The following EYA3 variants were observed in gnomAD, a reference collection of about 807,000 sequenced individuals.
The protein encoded by EYA3 is EYA transcriptional coactivator and phosphatase 3.
EYA3 carries 39 observed loss-of-function variants against 80.0 expected under a neutral mutation model. The ratio of observed to expected loss-of-function variants is 0.49; its 90% CI spans 0.38 to 0.64. The LOEUF is 0.64. Ranked by LOEUF, EYA3 falls within the 30% of genes least tolerant of loss-of-function variation. The probability of loss-of-function intolerance (pLI) is 0.00; values close to 1 mark genes in which losing one functional copy is unlikely to be tolerated. For missense variants in EYA3, 523 were observed against 676.1 expected (o/e 0.77, Z 2.51); for synonymous variants, 206 against 232.8 (o/e 0.88, Z 1.05).
rs1638854700 is a variant in EYA3 at position 27,974,721 on chromosome 1, C to T, written c.1642-175G>A. On this transcript the variant is annotated intron_variant, in intron 17 of 17. Transcript: ENST00000373871. ...TAATCATATGCATAAGGACCTTGTA[C>T]ATTGCACACTTTAGAAATGTGAGAA... Among the ~76,000 whole-genome samples, 4 of 152,228 alleles carry T rather than the reference C, an allele frequency of 2.6e-5. No homozygotes were observed. In the South Asian group the frequency reaches 6.2e-4, roughly 24 times the overall value.
chr1:28,040,225 G>A (rs1042487444), intron 4 of EYA3, among the ~76,000 whole-genome samples: 1 of 152,192 alleles, frequency 6.6e-6, no homozygotes, highest in Non-Finnish European at 1.5e-5. Flanking sequence ...AATATATTCT[G>A]AAGGTAAAAC....
chr1:28,002,191 A>G (rs908650025), intron 11 of EYA3, among the ~76,000 whole-genome samples: 1 of 152,108 alleles, frequency 6.6e-6, no homozygotes, highest in Admixed American at 6.5e-5. Flanking sequence ...CTGGGATTAC[A>G]GGTGTGAGCC....
intron 16 of EYA3, among the ~76,000 whole-genome samples, chr1:27,983,858 T>TTGGTCAGGCTGCTCTCAAAC (rs1553137792): frequency 6.6e-6 from 1 of 152,208 alleles, no homozygotes; most frequent in Admixed American, 6.5e-5. Flanking sequence ...TTTCACCATG[T>TTGGTCAGGCTGCTCTCAAAC]TGGTCAGGCT....
intron 1 of EYA3, among the ~76,000 whole-genome samples, chr1:28,066,489 A>C (rs1258893328): frequency 1.3e-5 from 2 of 152,180 alleles, no homozygotes; most frequent in African/African-American, 4.8e-5. Context: ...AGTATTTAGA[A>C]AACATTGTCA....
chr1:28,031,008 T>G (rs112007688), intron 6 of EYA3, among the ~76,000 whole-genome samples: 1 of 152,206 alleles, frequency 6.6e-6, no homozygotes, highest in East Asian at 1.9e-4. Context: ...ATGTTTATTT[T>G]TACACTATAT....
chr1:28,078,067 GATAAT>G (rs1332023167), intron 1 of EYA3, among the ~76,000 whole-genome samples: 3 of 151,898 alleles, frequency 2.0e-5, no homozygotes, highest in South Asian at 2.1e-4. Flanking sequence ...CATCAGACAG[GATAAT>G]ATAAGTGTTT....
chr1:28,007,863 G>C (rs1211545702), intron 10 of EYA3, among the ~76,000 whole-genome samples: 1 of 152,004 alleles, frequency 6.6e-6, no homozygotes, highest in Non-Finnish European at 1.5e-5. Context: ...AAATCCAATA[G>C]TAGTTTTTTA....
At position 28,026,023 on chromosome 1, in the gene EYA3, T is replaced by G. The variant is rs150576837; in HGVS notation, c.499+1766A>C. Among the ~76,000 whole-genome samples the G allele has an allele frequency of 8.8e-4, 134 of 152,322 alleles. 1 individual carries two copies. In the East Asian group the frequency reaches 0.021, roughly 24 times the overall value. ...ATCCGCCTGCCTCGGCCTCCCAAAG[T>G]GCTAGGATTACAGGCGTGAGCCACC... On this transcript the variant is annotated intron_variant, in intron 7 of 17. Transcript: ENST00000373871.
chr1:28,026,562 G>A (rs2148824664), intron 7 of EYA3, among the ~76,000 whole-genome samples: 1 of 152,278 alleles, frequency 6.6e-6, no homozygotes, highest in African/African-American at 2.4e-5. Flanking sequence ...AGGCTGCAGT[G>A]AGCCATGATC....
chr1:28,024,201 T>C (rs961011279), intron 7 of EYA3, among the ~76,000 whole-genome samples: 2 of 152,098 alleles, frequency 1.3e-5, no homozygotes, highest in African/African-American at 4.8e-5. Context: ...ATCACGCCAC[T>C]GCACTCCAGC....
At chr1:28,040,412 A>C (rs2148858063) in intron 4 of EYA3, among the ~76,000 whole-genome samples, 1 of 152,342 alleles carries the variant, frequency 6.6e-6, no homozygotes, top group East Asian at 1.9e-4. Flanking sequence ...TAAAGATGTC[A>C]AACAGGCAGT....
chr1:28,023,278 G>C (rs374989752), intron 7 of EYA3, among the ~76,000 whole-genome samples: 1 of 152,096 alleles, frequency 6.6e-6, no homozygotes, highest in Non-Finnish European at 1.5e-5. Context: ...GGGGAGAAGA[G>C]ACAAATCTGG....
intron 14 of EYA3, among the ~76,000 whole-genome samples, chr1:27,992,663 C>T (rs1487904801): frequency 1.3e-5 from 2 of 152,268 alleles, no homozygotes; most frequent in South Asian, 2.1e-4. Context: ...AAGAGTACCT[C>T]ACTATAAAAG....
chr1:28,081,525 GT>G (rs1226991878), intron 1 of EYA3, among the ~76,000 whole-genome samples: 1 of 152,016 alleles, frequency 6.6e-6, no homozygotes, highest in Admixed American at 6.6e-5. Flanking sequence ...ATCCTATAAT[GT>G]TCTCTAAAGT....
chr1:28,016,137 G>T (rs1642047391), intron 8 of EYA3, among the ~76,000 whole-genome samples: 1 of 152,154 alleles, frequency 6.6e-6, no homozygotes, highest in Non-Finnish European at 1.5e-5. Flanking sequence ...CACGTTCAAA[G>T]ACAGGGTCAA....
At chr1:27,978,950 G>A (rs1456442017) in intron 16 of EYA3, among the ~76,000 whole-genome samples, 1 of 152,154 alleles carries the variant, frequency 6.6e-6, no homozygotes, top group Non-Finnish European at 1.5e-5. Context: ...CAACAAGAGC[G>A]AACTCTGTCT....
chr1:28,027,703 A>G lies in EYA3; in HGVS notation c.499+86T>C, dbSNP rs570937382. The G allele has an allele frequency of 4.5e-6, 7 of 1,552,964 alleles. No individual in the cohort carries two copies. The South Asian group carries it at 8.1e-5, about 18-fold the overall frequency. ...GAAGACAGAGCTCCTGTATTATCCA[A>G]TTTGTTTGTTTGGAGATACAGGTAG... On this transcript the variant is annotated intron_variant, in intron 7 of 17. Coordinates refer to ENST00000373871, the MANE Select transcript of EYA3 (RefSeq NM_001990.4).
At chr1:27,999,616 C>T (rs1640689055) in intron 12 of EYA3, among the ~76,000 whole-genome samples, 1 of 152,052 alleles carries the variant, frequency 6.6e-6, no homozygotes, top group Admixed American at 6.6e-5. Flanking sequence ...ATCAAACTCA[C>T]TTTATATATA....
intron 7 of EYA3, among the ~76,000 whole-genome samples, chr1:28,023,729 C>T (rs532050851): frequency 3.0e-4 from 45 of 152,188 alleles, no homozygotes; most frequent in African/African-American, 1.0e-3. Flanking sequence ...GATGGAATCC[C>T]GGAACAGAAC....
Sources: allele counts gnomAD v4.1 joint callset (sites outside exome capture counted in the v4.1 genomes callset), GRCh38; gene constraint gnomAD v4.1.1; transcripts MANE v1.5; gene names NCBI Gene and HGNC (gene_info 2026-07-23, HGNC 2026-07-21).